The following LRRK2 variants were observed in gnomAD, a reference collection of about 807,000 sequenced individuals.
The protein encoded by LRRK2 is leucine rich repeat kinase 2.
Under a neutral mutation model 302.6 loss-of-function variants are expected in LRRK2, and 203 were observed. The ratio of observed to expected loss-of-function variants is 0.67; its 90% CI spans 0.60 to 0.75. The LOEUF is 0.75. Among genes scored for constraint, LRRK2 ranks in the 30% least tolerant of loss-of-function variants. The pLI is 0.00. For missense variants in LRRK2, 2,830 were observed against 2,951.0 expected (o/e 0.96, Z 0.95); for synonymous variants, 1,066 against 1,031.9 (o/e 1.03, Z -0.63).
intron 21 of LRRK2, among the ~76,000 whole-genome samples, chr12:40,293,958 A>G (rs1208715096): frequency 1.3e-5 from 2 of 149,174 alleles, no homozygotes; most frequent in African/African-American, 4.9e-5. Context: ...TCTTTTCAGA[A>G]CTCCATGTCT....
chr12:40,259,503 C>T lies in LRRK2; in HGVS notation c.1442C>T (p.Ala481Val). The T allele has an allele frequency of 6.2e-7, 1 of 1,613,260 alleles. No homozygotes were observed. The highest frequency in any genetic ancestry group is 8.5e-7 in the Non-Finnish European group (1 of 1,179,430). Residue 481 changes from alanine (A) to valine (V), a missense_variant, in exon 13 of 51, where the codon GCA (alanine) becomes GTA (valine). Coordinates refer to ENST00000298910, the MANE Select transcript of LRRK2 (RefSeq NM_198578.4). The part of the protein sequence containing the change: ...EGSNTSLDIM[A>V]AVVPKILTVM... The stretch of plus-strand genomic sequence containing the variant: ...AGCAACACTTCCCTGGATATAATGG[C>T]AGCAGTGGTCCCCAAAATACTAACA...
chr12:40,359,052 T>C (rs1946626032), intron 46 of LRRK2, among the ~76,000 whole-genome samples: 1 of 152,162 alleles, frequency 6.6e-6, no homozygotes, highest in South Asian at 2.1e-4. Flanking sequence ...TGCTACTGAT[T>C]TCTGTATGTT....
chr12:40,361,684 A>G (rs1006375975), intron 47 of LRRK2, among the ~76,000 whole-genome samples: 2 of 152,074 alleles, frequency 1.3e-5, no homozygotes, highest in African/African-American at 4.8e-5. Flanking sequence ...ATAAAGATCA[A>G]GCTCTCAAAG....
At chr12:40,365,189 G>A (rs1946840522) in intron 49 of LRRK2, 139 bp downstream of exon 49, 2 of 751,668 alleles carry the variant, frequency 2.7e-6, no homozygotes, top group Non-Finnish European at 4.4e-6. Flanking sequence ...ACATAAGACT[G>A]GTATAAATTG....
chr12:40,361,123 G>A (rs1946692217), intron 47 of LRRK2, among the ~76,000 whole-genome samples: 1 of 151,990 alleles, frequency 6.6e-6, no homozygotes, highest in Non-Finnish European at 1.5e-5. Flanking sequence ...AGCCTGGGAT[G>A]GGGATCAGAT....
chr12:40,241,164 G>A (rs138606605), intron 6 of LRRK2, among the ~76,000 whole-genome samples: 30 of 152,310 alleles, frequency 2.0e-4, no homozygotes, highest in African/African-American at 7.0e-4. Context: ...ATGCATGCGT[G>A]TGTGCCGCTG....
chr12:40,300,965 T>C (rs1944602620), intron 25 of LRRK2: 1 of 470,662 alleles, frequency 2.1e-6, no homozygotes, highest in East Asian at 6.9e-5. Flanking sequence ...TCATCTCAGC[T>C]GAATCTCACA....
intron 32 of LRRK2, 109 bp downstream of exon 32, chr12:40,314,282 G>A (rs754043912): frequency 1.8e-6 from 2 of 1,115,352 alleles, no homozygotes; most frequent in Non-Finnish European, 2.6e-6. Flanking sequence ...TATCCATACG[G>A]TTCTTTAATA....
At chr12:40,225,895 G>C (rs192286003) in intron 2 of LRRK2, among the ~76,000 whole-genome samples, 5 of 152,258 alleles carry the variant, frequency 3.3e-5, no homozygotes, top group African/African-American at 1.2e-4. Flanking sequence ...GGTGGTAGAA[G>C]GAGGATAAAA....
At chr12:40,306,732 A>T (rs1944839739) in intron 28 of LRRK2, among the ~76,000 whole-genome samples, 1 of 152,180 alleles carries the variant, frequency 6.6e-6, no homozygotes, top group Non-Finnish European at 1.5e-5. Context: ...TGCCTGGCAT[A>T]CAATTAATAG....
chr12:40,325,105 G>A (rs1945504650), intron 38 of LRRK2, among the ~76,000 whole-genome samples: 1 of 152,092 alleles, frequency 6.6e-6, no homozygotes. Context: ...GACCAAGATG[G>A]TGAAACCTCA....
intron 46 of LRRK2, among the ~76,000 whole-genome samples, chr12:40,357,054 G>A (rs546142935): frequency 7.2e-5 from 11 of 152,102 alleles, no homozygotes; most frequent in South Asian, 2.1e-4. Flanking sequence ...GTTTGTACCC[G>A]TTAACCAGCC....
At chr12:40,277,032 G>T (rs973321730) in intron 16 of LRRK2, among the ~76,000 whole-genome samples, 2 of 152,096 alleles carry the variant, frequency 1.3e-5, no homozygotes, top group South Asian at 2.1e-4. Flanking sequence ...ATAGGCACAA[G>T]ATTTTGCCAT....
In LRRK2 at chr12:40,346,912, G is replaced by A. The variant is rs758012360; in HGVS notation, c.6269G>A (p.Gly2090Glu). The change falls in exon 42 of 51, where the codon GGA becomes GAA. Residue 2090 changes from glycine to glutamate, a missense_variant. This residue lies in a region of LRRK2 where 253 missense variants were observed against 346.7 expected (regional missense o/e 0.73). Coordinates refer to ENST00000298910, the MANE Select transcript of LRRK2 (RefSeq NM_198578.4). ...GAGTTTGATGAATTAGAAATACAAG[G>A]AAAATTACCTGGTAAGTTCTGTTTT... ...PNEFDELEIQ[G>E]KLPDPVKEYG... 1.2e-6 allele frequency: 2 copies of A among 1,611,000 alleles called. No individual in the cohort carries two copies. Among genetic ancestry groups the A allele is most frequent in the South Asian group, 2.2e-5 (2 of 90,070 alleles).
At chr12:40,328,743 C>T (rs1344497456) in intron 39 of LRRK2, among the ~76,000 whole-genome samples, 1 of 152,076 alleles carries the variant, frequency 6.6e-6, no homozygotes, top group African/African-American at 2.4e-5. Context: ...ACTTTAGAAC[C>T]TTGCTGTTCA....
chr12:40,298,747 G>T (rs1442092283), intron 24 of LRRK2, among the ~76,000 whole-genome samples: 1 of 109,108 alleles, frequency 9.2e-6, no homozygotes, highest in Non-Finnish European at 1.9e-5. Context: ...ACTCCAGCCT[G>T]GGTGACAGAG....
intron 14 of LRRK2, 25 bp downstream of exon 14, chr12:40,263,926 AT>A: frequency 6.8e-7 from 1 of 1,479,112 alleles, no homozygotes. Context: ...AGTTTTCTGT[AT>A]TTATACTATT....
chr12:40,296,781 CAGAG>C (rs1944401773), intron 23 of LRRK2, among the ~76,000 whole-genome samples: 1 of 152,064 alleles, frequency 6.6e-6, no homozygotes, highest in Non-Finnish European at 1.5e-5. Context: ...TATCTGGAGA[CAGAG>C]AGAAGAAAGA....
In LRRK2 at chr12:40,278,184, A is replaced by G. The variant is rs751817078; in HGVS notation, c.2164A>G (p.Ser722Gly). The change falls in exon 18 of 51, where the codon AGC (serine) becomes GGC (glycine). Residue 722 changes from serine to glycine, a missense_variant. Transcript: ENST00000298910. ...MLERACDQNN[S>G]IMVECLLLLG... ...AGAGAGAGCGTGTGATCAGAATAAC[A>G]GCATCATGGTTGAATGCTTGCTTCT... 1 of 1,614,126 alleles carries G rather than the reference A, an allele frequency of 6.2e-7. No individual in the cohort carries two copies. The highest frequency in any genetic ancestry group is 2.2e-5 in the East Asian group (1 of 44,852).
Sources: allele counts gnomAD v4.1 joint callset (sites outside exome capture counted in the v4.1 genomes callset), GRCh38; gene constraint gnomAD v4.1.1; regional missense constraint gnomAD v4.1.1; transcripts MANE v1.5; gene names NCBI Gene and HGNC (gene_info 2026-07-23, HGNC 2026-07-21).